Variants in FAM227B observed in about 807,000 individuals in gnomAD.
FAM227B encodes protein FAM227B.
A neutral mutation model predicts 73.8 loss-of-function variants in FAM227B; 88 were observed. The observed-to-expected ratio is 1.19, with a 90% CI of 1.00 to 1.42. FAM227B has a LOEUF of 1.42. Among genes scored for constraint, FAM227B ranks in the 40% most tolerant of loss-of-function variants. FAM227B has a pLI of 0.00. For missense variants in FAM227B, 632 were observed against 590.9 expected (o/e 1.07, Z -0.72); for synonymous variants, 210 against 190.5 (o/e 1.10, Z -0.84).
chr15:49,577,802 T>C (rs1035384246), intron 5 of FAM227B, 138 bp from the exon 6 acceptor site: 9 of 491,432 alleles, frequency 1.8e-5, no homozygotes, highest in African/African-American at 1.8e-4. Flanking sequence ...TAAAATACTA[T>C]TGCTGTGTTT....
At chr15:49,489,633 C>G (rs1313400713) in intron 11 of FAM227B, among the ~76,000 whole-genome samples, 1 of 150,358 alleles carries the variant, frequency 6.7e-6, no homozygotes, top group African/African-American at 2.4e-5. Flanking sequence ...GTGTTTTGTT[C>G]TAGATGCTGA....
In FAM227B at chr15:49,422,118, C is replaced by CAGAGAGAGAGAGAGAGAGAGAGAGAG. The variant is rs1432810961; in HGVS notation, c.1013-50720_1013-50719insCTCTCTCTCTCTCTCTCTCTCTCTCT. 1.4e-3 allele frequency among the ~76,000 whole-genome samples: 113 copies of CAGAGAGAGAGAGAGAGAGAGAGAGAG among 79,038 alleles called. 3 individuals carry two copies. The highest frequency in any genetic ancestry group is 0.012 in the Middle Eastern group (2 of 162). The allele number at this position is 79,038 out of a possible 152,430, so 51.9% of individuals were successfully genotyped here. ...CCTGGTGGTAAAGTAGTGCATTTCA[C>CAGAGAGAGAGAGAGAGAGAGAGAGAG]ATAGAGAGAGAGAGAGAGAGAGAGA... On this transcript the variant is annotated intron_variant, in intron 11 of 15. Transcript: ENST00000299338.
intron 13 of FAM227B, among the ~76,000 whole-genome samples, chr15:49,351,928 T>A (rs185152239): frequency 6.6e-6 from 1 of 152,310 alleles, no homozygotes; most frequent in African/African-American, 2.4e-5. Context: ...CTTAGGGGCA[T>A]AAAGCAACTC....
chr15:49,577,400 T>A (rs1000020066), intron 6 of FAM227B: 22 of 439,132 alleles, frequency 5.0e-5, no homozygotes, highest in Non-Finnish European at 8.7e-5. Flanking sequence ...AACAAAATCA[T>A]ATTTCAGAAC....
At chr15:49,499,512 T>C (rs907837049) in intron 11 of FAM227B, among the ~76,000 whole-genome samples, 19 of 152,182 alleles carry the variant, frequency 1.2e-4, no homozygotes, top group Non-Finnish European at 2.8e-4. Context: ...AAAATAAAGA[T>C]GCCCGAGTAT....
intron 11 of FAM227B, among the ~76,000 whole-genome samples, chr15:49,474,782 A>G (rs2055094561): frequency 6.6e-6 from 1 of 151,990 alleles, no homozygotes; most frequent in Non-Finnish European, 1.5e-5. Flanking sequence ...CGTGAACCCT[A>G]TTGTGAACTG....
intron 11 of FAM227B, among the ~76,000 whole-genome samples, chr15:49,489,831 T>G (rs1567381712): frequency 3.4e-4 from 14 of 40,730 alleles, no homozygotes; most frequent in African/African-American, 8.4e-4. Flanking sequence ...TTTATATATA[T>G]ATATATATTT....
intron 11 of FAM227B, among the ~76,000 whole-genome samples, chr15:49,440,824 G>A (rs140828868): frequency 5.9e-5 from 9 of 151,592 alleles, no homozygotes; most frequent in Admixed American, 4.6e-4. Flanking sequence ...CCATTGAGTT[G>A]TTTTGTTATA....
At chr15:49,516,706 G>A (rs922589202) in intron 10 of FAM227B, among the ~76,000 whole-genome samples, 1 of 152,078 alleles carries the variant, frequency 6.6e-6, no homozygotes, top group African/African-American at 2.4e-5. Context: ...GTGGTGGGCA[G>A]AGGCAGTCTT....
At chr15:49,561,818 A>T (rs2074284363) in intron 9 of FAM227B, among the ~76,000 whole-genome samples, 1 of 152,162 alleles carries the variant, frequency 6.6e-6, no homozygotes, top group South Asian at 2.1e-4. Context: ...GAGACACGAC[A>T]TACCCAAATT....
chr15:49,599,079 T>C (rs2077043200), intron 3 of FAM227B, among the ~76,000 whole-genome samples: 1 of 152,084 alleles, frequency 6.6e-6, no homozygotes. Flanking sequence ...TCCTGGGCTT[T>C]TGTTTATTGG....
At chr15:49,616,501 C>A (rs1823350424) in intron 1 of FAM227B, among the ~76,000 whole-genome samples, 1 of 151,892 alleles carries the variant, frequency 6.6e-6, no homozygotes, top group Admixed American at 6.6e-5. Flanking sequence ...TTAACTGATG[C>A]TCTGTCTATA....
At chr15:49,460,850 T>C (rs1597346934) in intron 11 of FAM227B, among the ~76,000 whole-genome samples, 1 of 152,226 alleles carries the variant, frequency 6.6e-6, no homozygotes, top group Non-Finnish European at 1.5e-5. Flanking sequence ...GAACATTGTT[T>C]GTTTGATTAT....
At chr15:49,412,678 G>C (rs2048949662) in intron 11 of FAM227B, among the ~76,000 whole-genome samples, 1 of 151,852 alleles carries the variant, frequency 6.6e-6, no homozygotes, top group African/African-American at 2.4e-5. Context: ...TATATTACTG[G>C]GGCCTATGAT....
chr15:49,564,486 G>C (rs752477708), intron 9 of FAM227B, among the ~76,000 whole-genome samples: 1 of 152,126 alleles, frequency 6.6e-6, no homozygotes, highest in Non-Finnish European at 1.5e-5. Context: ...CCATAACAAG[G>C]CGTGTTTACC....
chr15:49,332,487 T>G (rs907268096), intron 14 of FAM227B, among the ~76,000 whole-genome samples: 2 of 152,056 alleles, frequency 1.3e-5, no homozygotes, highest in African/African-American at 4.8e-5. Context: ...TATGAAGGAC[T>G]TGAATGGTTG....
chr15:49,328,459 T>G lies in FAM227B; in HGVS notation c.*109A>C. The G allele has an allele frequency of 6.6e-7, 1 of 1,511,428 alleles. No homozygotes were observed. The highest frequency in any genetic ancestry group is 8.8e-7 in the Non-Finnish European group (1 of 1,130,446). The allele number at this position is 1,511,428 out of a possible 1,614,324, so 93.6% of individuals were successfully genotyped here. A position where few individuals can be genotyped will look rare whatever the true frequency, so the allele number is the denominator to read the frequency against. On this transcript the variant is annotated 3_prime_UTR_variant, in exon 16 of 16. Transcript: ENST00000299338. ...TAAAGATGAATGGTAAAACACACTC[T>G]TAATACTGATTACATGGATTGGACT... is the stretch of plus-strand genomic sequence containing the variant.
At chr15:49,442,001 T>C (rs1217753855) in intron 11 of FAM227B, among the ~76,000 whole-genome samples, 1 of 151,592 alleles carries the variant, frequency 6.6e-6, no homozygotes, top group Non-Finnish European at 1.5e-5. Flanking sequence ...TTCTTTTTCA[T>C]CTTTTTATCA....
At chr15:49,339,481 T>C (rs2040333923) in intron 13 of FAM227B, among the ~76,000 whole-genome samples, 4 of 152,186 alleles carry the variant, frequency 2.6e-5, no homozygotes, top group African/African-American at 9.6e-5. Flanking sequence ...TTGCTGCCTG[T>C]TCCTTCCTCT....
Sources: allele counts gnomAD v4.1 joint callset (sites outside exome capture counted in the v4.1 genomes callset), GRCh38; gene constraint gnomAD v4.1.1; transcripts MANE v1.5; gene names NCBI Gene and HGNC (gene_info 2026-07-23, HGNC 2026-07-21).